The following SREBF1 variants were observed in gnomAD, a reference collection of about 807,000 sequenced individuals.
SREBF1 encodes the protein sterol regulatory element-binding protein 1.
In SREBF1, 45 loss-of-function variants were observed where a neutral mutation model predicts 100.1. That is an observed-to-expected ratio of 0.45 (90% confidence interval 0.35 to 0.58). The LOEUF is 0.58. SREBF1 is among the 20% of genes least tolerant of loss of function. The pLI, the probability that SREBF1 is intolerant of heterozygous loss-of-function variation, is 0.00. For missense variants in SREBF1, 1,324 were observed against 1,539.4 expected (o/e 0.86, Z 2.34); for synonymous variants, 657 against 681.8 (o/e 0.96, Z 0.57).
intron 5 of SREBF1, 143 bp downstream of exon 5, chr17:17,818,870 G>C: frequency 1.1e-6 from 1 of 945,230 alleles, no homozygotes; most frequent in Non-Finnish European, 1.7e-6. Context: ...CTAAATAAAC[G>C]AGGCTGGCCA....
At chr17:17,829,219 T>A (rs757175002) in intron 1 of SREBF1, among the ~76,000 whole-genome samples, 11,921 of 121,566 alleles carry the variant, frequency 0.098, 1,069 homozygotes, top group Non-Finnish European at 0.13. Flanking sequence ...TATATATATA[T>A]ATATATATAT....
In SREBF1 at chr17:17,836,748, C is replaced by G. The variant is rs2035266144; in HGVS notation, c.70G>C (p.Ala24Pro). Residue 24 changes from alanine (A) to proline (P), a missense_variant, in exon 1 of 19, where the codon GCG (alanine) becomes CCG (proline). Ala to Pro is a conservative substitution (Grantham distance 27, BLOSUM62 -1). Transcript: ENST00000261646. Reference protein sequence around the residue: ...ALGEPCDLDAALLTDIEDMLQ... With the variant: ...ALGEPCDLDAPLLTDIEDMLQ... ...GCACCTTCGATGTCGGTCAGCAGCGCCGCGTCCAGATCGCACGGCTCGCCC... is the reference window on the plus strand; with the variant it reads ...GCACCTTCGATGTCGGTCAGCAGCGGCGCGTCCAGATCGCACGGCTCGCCC... 1.3e-6 allele frequency: 2 copies of G among 1,572,826 alleles called. No homozygotes were observed. The highest frequency in any genetic ancestry group is 2.3e-5 in the East Asian group (1 of 43,524).
rs777095431 is a variant in SREBF1 at position 17,813,427 on chromosome 17, C to T, written c.3155G>A (p.Arg1052Gln). The T allele has an allele frequency of 7.5e-6, 12 of 1,600,320 alleles. No individual in the cohort carries two copies. Among genetic ancestry groups the T allele is most frequent in the South Asian group, 1.1e-5 (1 of 89,198 alleles). Residue 1052 changes from arginine to glutamine, a missense_variant, in exon 18 of 19, where the codon CGG becomes CAG. Physicochemically the swap from Arg to Gln is conservative, Grantham distance 43 (BLOSUM62 1). Transcript: ENST00000261646. ...ACTGCGGTCGAGGAGCTGGTGTGTC[C>T]GTGTGGGGCTGGCCCCCGCCATCAG... is the stretch of plus-strand genomic sequence containing the variant. ...ARLMAGASPT[R>Q]THQLLDRSLR...
chr17:17,826,219 AG>A (rs1457941360), intron 1 of SREBF1, among the ~76,000 whole-genome samples: 2 of 152,148 alleles, frequency 1.3e-5, no homozygotes, highest in African/African-American at 4.8e-5. Context: ...CTGGAAAGTC[AG>A]GTAGTGAGTT....
chr17:17,820,240 C>G lies in SREBF1; in HGVS notation c.373G>C (p.Glu125Gln), dbSNP rs150458577. Residue 125 changes from glutamate (E) to glutamine (Q), a missense_variant, in exon 2 of 19, where the codon GAG (glutamate) becomes CAG (glutamine). Coordinates refer to ENST00000261646, the MANE Select transcript of SREBF1 (RefSeq NM_004176.5). ...AFSPGPGIKE[E>Q]SVPLSILQTP... ...TGCAGGATGCTCAGTGGCACTGACT[C>G]TTCCTTGATACCAGGCCCAGGGGAG... The G allele has an allele frequency of 6.2e-7, 1 of 1,613,674 alleles. No individual in the cohort carries two copies. The highest frequency in any genetic ancestry group is 1.3e-5 in the African/African-American group (1 of 74,886).
intron 18 of SREBF1, 93 bp downstream of exon 18, chr17:17,813,275 G>GACAC (rs753476023): frequency 4.6e-5 from 60 of 1,310,104 alleles, no homozygotes; most frequent in Non-Finnish European, 5.9e-5. Flanking sequence ...TGTCCCGTCT[G>GACAC]ACACACACAC....
chr17:17,814,129 T>C (rs2033274108), intron 16 of SREBF1, 116 bp downstream of exon 16: 5 of 1,224,102 alleles, frequency 4.1e-6, no homozygotes, highest in Non-Finnish European at 5.8e-6. Context: ...CCCCCTATCC[T>C]GTGCTGCTTG....
chr17:17,820,100 G>A lies in SREBF1; in HGVS notation c.513C>T (p.Gly171=), dbSNP rs1189473693. ...ACACATCCCCCTTACCTGTAGAGAA[G>A]CCTCCCGGAGGGCTGGGGTAGCCTA... ...PVLGYPSPPG[G]FSTGSPPGNT... is the part of the protein sequence containing the mutation. The change falls in exon 2 of 19, where the codon GGC becomes GGT. Residue 171 remains glycine (G), a synonymous_variant. Coordinates refer to ENST00000261646, the MANE Select transcript of SREBF1 (RefSeq NM_004176.5). 1.9e-6 allele frequency: 3 copies of A among 1,611,554 alleles called. No homozygotes were observed. Among genetic ancestry groups the A allele is most frequent in the East Asian group, 4.5e-5 (2 of 44,878 alleles).
chr17:17,813,143 T>C, intron 18 of SREBF1: 1 of 602,398 alleles, frequency 1.7e-6, no homozygotes, highest in South Asian at 2.0e-5. Context: ...CTTTTTTTTT[T>C]TTTGAGACAG....
chr17:17,834,300 A>G (rs1247080876), intron 1 of SREBF1, among the ~76,000 whole-genome samples: 3 of 152,210 alleles, frequency 2.0e-5, no homozygotes, highest in Admixed American at 6.5e-5. Context: ...CATGTTGCCC[A>G]GGCTGGTCTC....
At position 17,817,008 on chromosome 17, in the gene SREBF1, CGGGGCCTGAGT is replaced by C; in HGVS notation, c.1724_1734del (p.His575ArgfsTer12). On this transcript the variant is annotated frameshift_variant, in exon 9 of 19. Transcript: ENST00000261646. LOFTEE classifies it high-confidence loss of function. The surrounding 1 kb of genome is among the most constrained non-coding windows in gnomAD (Gnocchi z 6.6). ...TTGCGATGCCTCCAGAAGTACACGG[CGGGGCCTGAGT>C]GGGGCCGTGTGACTGGCTCACCGTA... is the stretch of plus-strand genomic sequence containing the variant. The C allele has an allele frequency of 6.2e-7, 1 of 1,613,068 alleles. No homozygotes were observed. The highest frequency in any genetic ancestry group is 8.5e-7 in the Non-Finnish European group (1 of 1,180,028).
chr17:17,818,352 C>A lies in SREBF1; in HGVS notation c.1091G>T (p.Arg364Leu). ...EAKLNKSAVLRKAIDYIRFLQ... is the reference protein window; with the variant it reads ...EAKLNKSAVLLKAIDYIRFLQ... ...AAAGCGAATGTAGTCGATGGCCTTG[C>A]GCAAGACAGCAGATTTATTCAGCTG... Residue 364 changes from arginine to leucine, a missense_variant, in exon 6 of 19, where the codon CGC becomes CTC. Physicochemically the swap from Arg to Leu is moderately radical, Grantham distance 102. Transcript: ENST00000261646. 1.2e-6 allele frequency: 2 copies of A among 1,613,462 alleles called. No individual in the cohort carries two copies. The highest frequency in any genetic ancestry group is 1.7e-6 in the Non-Finnish European group (2 of 1,179,960).
In SREBF1 at chr17:17,836,721, A is replaced by G. The variant is rs949160761; in HGVS notation, c.91+6T>C. ...GCAGCTTCAAGCCCTGCCCGCCCTG[A>G]CGCACCTTCGATGTCGGTCAGCAGC... is the stretch of plus-strand genomic sequence containing the variant. On this transcript the variant is annotated splice_donor_region_variant and intron_variant, in intron 1 of 18. Transcript: ENST00000261646. 30 of 1,563,918 alleles carry G rather than the reference A, an allele frequency of 1.9e-5. No homozygotes were observed. The highest frequency in any genetic ancestry group is 9.2e-5 in the Admixed American group (5 of 54,322).
At position 17,812,822 on chromosome 17, in the gene SREBF1, T is replaced by A; in HGVS notation, c.3244A>T (p.Thr1082Ser). 1.4e-6 allele frequency: 2 copies of A among 1,481,336 alleles called. No homozygotes were observed. Among genetic ancestry groups the A allele is most frequent in the Non-Finnish European group, 1.8e-6 (2 of 1,122,200 alleles). 91.8% of individuals were successfully genotyped at this position (1,481,336 alleles called of 1,614,324 possible). The part of the protein sequence containing the change: ...GAVAELEPRP[T>S]RREHAEALLL... ...AAGGCCTCCGCGTGCTCCCGCCGCGTGGGCCGCGGCTCCAGCTCCGCCACC... is the reference window on the plus strand; with the variant it reads ...AAGGCCTCCGCGTGCTCCCGCCGCGAGGGCCGCGGCTCCAGCTCCGCCACC... The change falls in exon 19 of 19, where the codon ACG (threonine) becomes TCG (serine). Residue 1082 changes from threonine to serine, a missense_variant. By Grantham distance (58) the Thr-to-Ser change is moderately conservative. Coordinates refer to ENST00000261646, the MANE Select transcript of SREBF1 (RefSeq NM_004176.5).
intron 1 of SREBF1, chr17:17,823,541 C>T (rs775349039): frequency 4.5e-5 from 72 of 1,613,492 alleles, no homozygotes; most frequent in Non-Finnish European, 4.1e-5. Context: ...ATCCATGGCT[C>T]CGCGATCTGC....
intron 2 of SREBF1, 125 bp downstream of exon 2, chr17:17,819,965 C>T: frequency 8.2e-7 from 1 of 1,221,420 alleles, no homozygotes; most frequent in Non-Finnish European, 1.1e-6. Flanking sequence ...GCATCTCAAG[C>T]AGCCGAGTGG....
chr17:17,824,992 A>G lies in SREBF1; in HGVS notation c.92-4471T>C, dbSNP rs2034394034. On this transcript the variant is annotated intron_variant, in intron 1 of 18. Coordinates refer to ENST00000261646, the MANE Select transcript of SREBF1 (RefSeq NM_004176.5). The surrounding 1 kb of genome is among the most constrained non-coding windows in gnomAD (Gnocchi z 4.2). ...GGTGTTCCCTCACCCCCAAAACAAA[A>G]CACAGCATTGCTCTTGGCAAAGGCT... is the stretch of plus-strand genomic sequence containing the variant. Among the ~76,000 whole-genome samples, 1 of 152,084 alleles carries G rather than the reference A, an allele frequency of 6.6e-6. No individual in the cohort carries two copies. The highest frequency in any genetic ancestry group is 6.5e-5 in the Admixed American group (1 of 15,276).
intron 1 of SREBF1, among the ~76,000 whole-genome samples, chr17:17,823,244 GAGA>G (rs1246719060): frequency 6.6e-6 from 1 of 152,194 alleles, no homozygotes; most frequent in African/African-American, 2.4e-5. Flanking sequence ...AGAGAATGTA[GAGA>G]AGACCACCCT....
rs1264754386 is a variant in SREBF1, at chr17:17,812,343, G to C, written c.*279C>G. 1.8e-6 allele frequency: 1 copy of C among 562,948 alleles called. No individual in the cohort carries two copies. The highest frequency in any genetic ancestry group is 3.3e-5 in the Admixed American group (1 of 29,996). 34.9% of individuals were successfully genotyped at this position (562,948 alleles called of 1,614,324 possible). ...TACACAGGAGGAAAAAAGCCACTAA[G>C]GTGCCTGCAGAGCAAGGAGGGGGGC... On this transcript the variant is annotated 3_prime_UTR_variant, in exon 19 of 19. Coordinates refer to ENST00000261646, the MANE Select transcript of SREBF1 (RefSeq NM_004176.5).
Sources: allele counts gnomAD v4.1 joint callset (sites outside exome capture counted in the v4.1 genomes callset), GRCh38; gene constraint gnomAD v4.1.1; non-coding constraint Gnocchi (gnomAD v3.1); transcripts MANE v1.5; gene names NCBI Gene and HGNC (gene_info 2026-07-23, HGNC 2026-07-21).